The following HMGN5 variants were observed in gnomAD, a reference collection of about 807,000 sequenced individuals.
HMGN5 encodes the protein high mobility group nucleosome-binding domain-containing protein 5.
In HMGN5, 4 loss-of-function variants were observed where a neutral mutation model predicts 9.5. That is an observed-to-expected ratio of 0.42 (90% CI 0.21 to 0.96). The LOEUF is 0.96. Ranked by LOEUF, HMGN5 falls within the 40% of genes least tolerant of loss-of-function variation. The probability of loss-of-function intolerance (pLI) is 0.30; values close to 1 mark genes in which losing one functional copy is unlikely to be tolerated. For synonymous variants in HMGN5, 55 were observed against 57.1 expected, an observed-to-expected ratio of 0.96 and a Z score of 0.16; for missense variants, 192 against 187.5, an observed-to-expected ratio of 1.02 and a Z score of -0.14.
intron 1 of HMGN5, among the ~76,000 whole-genome samples, chrX:81,133,838 C>T (rs937187461): frequency 4.5e-5 from 5 of 111,524 alleles, no homozygotes; most frequent in African/African-American, 1.6e-4. Context: ...AACAAACCTG[C>T]ACCTGTACCC....
intron 1 of HMGN5, among the ~76,000 whole-genome samples, chrX:81,142,608 A>G (rs2075332846): frequency 1.8e-5 from 2 of 112,245 alleles, no homozygotes; most frequent in Admixed American, 1.9e-4. Flanking sequence ...CTTTTATCCT[A>G]GAATAGCCTA....
intron 1 of HMGN5, among the ~76,000 whole-genome samples, chrX:81,198,877 G>A (rs958063045): frequency 2.7e-5 from 3 of 111,826 alleles, no homozygotes; most frequent in Non-Finnish European, 3.8e-5. Flanking sequence ...GTTCTGGCTA[G>A]GGCAATCAGG....
At chrX:81,132,308 A>G (rs2075299550) in intron 1 of HMGN5, among the ~76,000 whole-genome samples, 1 of 111,942 alleles carries the variant, frequency 8.9e-6, no homozygotes, top group Admixed American at 9.5e-5. Context: ...TGTAGATTCA[A>G]TGCTATTCCC....
intron 2 of HMGN5, 116 bp downstream of exon 2, chrX:81,121,419 C>T (rs2075268025): frequency 1.3e-6 from 1 of 763,367 alleles, no homozygotes; most frequent in African/African-American, 2.1e-5. Context: ...CATTACATCA[C>T]AAAATGGAAG....
Position 81,114,384 on chromosome X carries a change from A to G in HMGN5, c.*265T>C, listed in dbSNP as rs1943790195. 1 of 216,316 alleles carries G rather than the reference A, an allele frequency of 4.6e-6. No individual in the cohort carries two copies. The highest frequency in any genetic ancestry group is 7.1e-5 in the Admixed American group (1 of 14,101). 17.8% of individuals were successfully genotyped at this position (216,316 alleles called of 1,213,427 possible). On this transcript the variant is annotated 3_prime_UTR_variant, in exon 7 of 7. Transcript: ENST00000358130. Reference sequence around the variant, plus strand: ...TAAAATTAAAATTCAAAGATTTGACATATAACTTACACAACACGAAATTCA... The same window carrying G: ...TAAAATTAAAATTCAAAGATTTGACGTATAACTTACACAACACGAAATTCA...
At chrX:81,163,282 A>G (rs2075402521) in intron 1 of HMGN5, among the ~76,000 whole-genome samples, 1 of 112,292 alleles carries the variant, frequency 8.9e-6, no homozygotes, top group African/African-American at 3.2e-5. Flanking sequence ...GAGGCCCTAG[A>G]CACTGTGGAG....
intron 3 of HMGN5, 63 bp downstream of exon 3, chrX:81,119,725 C>T (rs749648269): frequency 2.2e-5 from 22 of 988,840 alleles, no homozygotes; most frequent in Non-Finnish European, 3.0e-5. Context: ...TTTTTAGCTG[C>T]TTATGTCAAG....
intron 1 of HMGN5, among the ~76,000 whole-genome samples, chrX:81,193,038 T>G (rs1351516387): frequency 8.9e-6 from 1 of 111,863 alleles, no homozygotes; most frequent in African/African-American, 3.3e-5. Context: ...CTCCAGATGA[T>G]GCTATCTTTT....
intron 1 of HMGN5, among the ~76,000 whole-genome samples, chrX:81,178,388 A>G (rs1035229475): frequency 2.7e-5 from 3 of 111,784 alleles, no homozygotes; most frequent in Non-Finnish European, 3.8e-5. Flanking sequence ...ATCACCACCG[A>G]TCCCACAGAA....
intron 1 of HMGN5, among the ~76,000 whole-genome samples, chrX:81,165,400 T>G (rs2075408456): frequency 9.0e-6 from 1 of 111,033 alleles, no homozygotes; most frequent in Admixed American, 9.7e-5. Context: ...TAACATTGAT[T>G]GAGGCTAATT....
At chrX:81,166,305 GGT>G (rs2075411196) in intron 1 of HMGN5, among the ~76,000 whole-genome samples, 2 of 111,174 alleles carry the variant, frequency 1.8e-5, no homozygotes, top group Admixed American at 9.6e-5. Flanking sequence ...CATCTATTAT[GGT>G]AATGAGAGAA....
chrX:81,197,944 G>C (rs1602586361), intron 1 of HMGN5, among the ~76,000 whole-genome samples: 1 of 111,564 alleles, frequency 9.0e-6, no homozygotes, highest in Non-Finnish European at 1.9e-5. Context: ...CTGATTATTT[G>C]TATAAAGATT....
chrX:81,178,981 G>A (rs755520296), intron 1 of HMGN5, among the ~76,000 whole-genome samples: 95 of 111,523 alleles, frequency 8.5e-4, no homozygotes, highest in African/African-American at 2.9e-3. Flanking sequence ...TGCAGAAAAG[G>A]CCTTCGACAA....
intron 1 of HMGN5, among the ~76,000 whole-genome samples, chrX:81,134,506 TCAC>T (rs1329947056): frequency 1.8e-5 from 2 of 111,134 alleles, no homozygotes; most frequent in Non-Finnish European, 3.8e-5. Flanking sequence ...TGTGCAACCA[TCAC>T]CACAATAGAT....
chrX:81,154,515 G>A (rs779210452), intron 1 of HMGN5, among the ~76,000 whole-genome samples: 1 of 110,976 alleles, frequency 9.0e-6, no homozygotes, highest in South Asian at 3.8e-4. Context: ...GTGGACAAAT[G>A]GGATCACATC....
intron 1 of HMGN5, among the ~76,000 whole-genome samples, chrX:81,140,670 C>T (rs1412019771): frequency 9.1e-6 from 1 of 110,439 alleles, no homozygotes; most frequent in East Asian, 2.9e-4. Flanking sequence ...CCTGGTACTA[C>T]GTCAAGGCCT....
At chrX:81,151,855 C>G (rs917226103) in intron 1 of HMGN5, among the ~76,000 whole-genome samples, 6 of 110,849 alleles carry the variant, frequency 5.4e-5, no homozygotes, top group African/African-American at 9.8e-5. Flanking sequence ...TGGGCTGAGA[C>G]AATGGGGTTT....
chrX:81,145,934 T>G (rs933520881), intron 1 of HMGN5, among the ~76,000 whole-genome samples: 12 of 111,427 alleles, frequency 1.1e-4, no homozygotes, highest in Non-Finnish European at 2.3e-4. Context: ...AAGGGATAAA[T>G]GCAACAAGAA....
At chrX:81,119,940 T>G in intron 2 of HMGN5, 123 bp from the exon 3 acceptor site, 2 of 602,071 alleles carry the variant, frequency 3.3e-6, no homozygotes, top group Non-Finnish European at 5.4e-6. Flanking sequence ...GGGTTCCTGC[T>G]CAAGTAGACA....
Sources: allele counts gnomAD v4.1 joint callset (sites outside exome capture counted in the v4.1 genomes callset), GRCh38; gene constraint gnomAD v4.1.1; transcripts MANE v1.5; gene names NCBI Gene and HGNC (gene_info 2026-07-23, HGNC 2026-07-21).